Variants in TGFBI observed in about 807,000 individuals in gnomAD.
The protein encoded by TGFBI is transforming growth factor-beta-induced protein ig-h3.
TGFBI carries 50 observed loss-of-function variants against 73.7 expected under a neutral mutation model. That is an observed-to-expected ratio of 0.68 (90% CI 0.54 to 0.86). The LOEUF is 0.86. Among genes scored for constraint, TGFBI ranks in the 40% least tolerant of loss-of-function variants. The pLI, the probability that TGFBI is intolerant of heterozygous loss-of-function variation, is 0.00. For synonymous variants in TGFBI, 362 were observed against 360.5 expected, an observed-to-expected ratio of 1.00 and a Z score of -0.05; for missense variants, 839 against 877.0, an observed-to-expected ratio of 0.96 and a Z score of 0.55.
At chr5:136,047,137 T>G in intron 5 of TGFBI, 122 bp downstream of exon 5, 1 of 1,520,550 alleles carries the variant, frequency 6.6e-7, no homozygotes, top group South Asian at 1.2e-5. Flanking sequence ...TGCCTGCTTC[T>G]CCTTGGGCCC....
chr5:136,037,201 A>G (rs577166066), intron 2 of TGFBI, among the ~76,000 whole-genome samples: 24 of 152,336 alleles, frequency 1.6e-4, no homozygotes, highest in African/African-American at 5.1e-4. Context: ...AGTGGTTACC[A>G]GTGGGTCCCT....
intron 1 of TGFBI, among the ~76,000 whole-genome samples, chr5:136,031,181 A>G (rs889431102): frequency 6.6e-6 from 1 of 152,202 alleles, no homozygotes; most frequent in South Asian, 2.1e-4. Context: ...GCGCAGGCAC[A>G]TGAACCATGG....
In TGFBI at chr5:136,052,960, G is replaced by T; in HGVS notation, c.967G>T (p.Ala323Ser). Reference protein sequence around the residue: ...KSAMCAEAIVAGLSVETLEGT... With the variant: ...KSAMCAEAIVSGLSVETLEGT... ...AGCTATGTGTGCTGAAGCCATCGTT[G>T]CGGGGCTGTCTGTAGAGACCCTGGA... is the stretch of plus-strand genomic sequence containing the variant. Residue 323 changes from alanine (A) to serine (S), a missense_variant, in exon 8 of 17, where the codon GCG (alanine) becomes TCG (serine). Physicochemically the swap from Ala to Ser is moderately conservative, Grantham distance 99 (BLOSUM62 1). Transcript: ENST00000442011. The T allele has an allele frequency of 6.2e-7, 1 of 1,614,054 alleles. No homozygotes were observed. The highest frequency in any genetic ancestry group is 1.7e-5 in the Admixed American group (1 of 60,034).
chr5:136,061,076 G>C (rs1209432140), intron 14 of TGFBI, 140 bp downstream of exon 14: 1 of 663,104 alleles, frequency 1.5e-6, no homozygotes, highest in African/African-American at 1.8e-5. Context: ...GTGACTGATT[G>C]CAGAGTGAAT....
At position 136,053,017 on chromosome 5, in the gene TGFBI, G is replaced by A; in HGVS notation, c.1024G>A (p.Asp342Asn). 6.2e-7 allele frequency: 1 copy of A among 1,614,044 alleles called. No homozygotes were observed. The highest frequency in any genetic ancestry group is 8.5e-7 in the Non-Finnish European group (1 of 1,179,908). Residue 342 changes from aspartate (D) to asparagine (N), a missense_variant, in exon 8 of 17, where the codon GAC becomes AAC. Coordinates refer to ENST00000442011, the MANE Select transcript of TGFBI (RefSeq NM_000358.3). The part of the protein sequence containing the change: ...GTTLEVGCSG[D>N]MLTINGKAII... ...GACACTGGAGGTGGGCTGCAGCGGG[G>A]ACATGCTCACTATCAACGGGAAGGC...
intron 3 of TGFBI, 78 bp downstream of exon 3, chr5:136,044,200 G>A: frequency 2.3e-6 from 3 of 1,278,160 alleles, no homozygotes; most frequent in African/African-American, 1.5e-5. Flanking sequence ...CACATAAAAG[G>A]CAGCAGAGTG....
intron 3 of TGFBI, 90 bp from the exon 4 acceptor site, chr5:136,046,245 A>G: frequency 6.7e-7 from 1 of 1,499,318 alleles, no homozygotes; most frequent in Non-Finnish European, 9.2e-7. Flanking sequence ...CTCCACCTGT[A>G]GATGTACCGT....
rs541593603 is a variant in TGFBI at position 136,046,438 on chromosome 5, G to A, written c.402G>A (p.Gly134=). 1 of 1,613,606 alleles carries A rather than the reference G, an allele frequency of 6.2e-7. No individual in the cohort carries two copies. The highest frequency in any genetic ancestry group is 1.1e-5 in the South Asian group (1 of 91,036). Residue 134 remains glycine (G), a synonymous_variant, in exon 4 of 17, where the codon GGG becomes GGA. Coordinates refer to ENST00000442011, the MANE Select transcript of TGFBI (RefSeq NM_000358.3). ...AGAAGCTGAGGCCTGAGATGGAGGG[G>A]CCCGGCAGCTTCACCATCTTCGCCC... ...RTEKLRPEME[G]PGSFTIFAPS...
chr5:136,051,796 G>T (rs1027605215), intron 7 of TGFBI, among the ~76,000 whole-genome samples: 1 of 152,198 alleles, frequency 6.6e-6, no homozygotes, highest in East Asian at 1.9e-4. Context: ...TCTCTAAGAA[G>T]CTCAATCCCC....
chr5:136,062,779 G>C, intron 16 of TGFBI, 92 bp downstream of exon 16: 3 of 1,355,952 alleles, frequency 2.2e-6, no homozygotes. Context: ...ATATAGATAA[G>C]AACATCATGG....
chr5:136,046,753 C>A (rs911615603), intron 4 of TGFBI, 98 bp from the exon 5 acceptor site: 3 of 1,438,690 alleles, frequency 2.1e-6, no homozygotes, highest in African/African-American at 1.4e-5. Context: ...GAGGCCTGGG[C>A]TCACGAGGGC....
intron 7 of TGFBI, among the ~76,000 whole-genome samples, chr5:136,051,601 G>A (rs1580717548): frequency 6.6e-6 from 1 of 152,216 alleles, no homozygotes; most frequent in East Asian, 1.9e-4. Context: ...AGACTGGAAG[G>A]AAGAGGTCCT....
chr5:136,055,657 T>G (rs1372800073), intron 10 of TGFBI, 23 bp from the exon 11 acceptor site: 13 of 1,560,932 alleles, frequency 8.3e-6, no homozygotes, highest in Non-Finnish European at 1.1e-5. Context: ...AGTCCTTTCT[T>G]TCTCTGTCCC....
At chr5:136,041,835 A>G (rs1050602895) in intron 2 of TGFBI, among the ~76,000 whole-genome samples, 5 of 152,184 alleles carry the variant, frequency 3.3e-5, no homozygotes, top group African/African-American at 9.7e-5. Context: ...TTTGTCCTCA[A>G]TGAGATCCTG....
At chr5:136,061,047 A>G in intron 14 of TGFBI, 111 bp downstream of exon 14, 1 of 798,050 alleles carries the variant, frequency 1.3e-6, no homozygotes, top group Non-Finnish European at 1.9e-6. Flanking sequence ...TGTAATTGTG[A>G]TAGTTAAACT....
chr5:136,054,942 A>G, intron 10 of TGFBI, 81 bp downstream of exon 10: 1 of 1,523,902 alleles, frequency 6.6e-7, no homozygotes, highest in East Asian at 2.3e-5. Context: ...AATGTCCTCA[A>G]TAAGCAGGAG....
At chr5:136,037,205 G>T (rs1005320072) in intron 2 of TGFBI, among the ~76,000 whole-genome samples, 1 of 152,174 alleles carries the variant, frequency 6.6e-6, no homozygotes, top group African/African-American at 2.4e-5. Flanking sequence ...GTTACCAGTG[G>T]GTCCCTATTT....
chr5:136,034,549 C>T (rs1751182896), intron 2 of TGFBI, among the ~76,000 whole-genome samples: 1 of 151,730 alleles, frequency 6.6e-6, no homozygotes, highest in East Asian at 1.9e-4. Context: ...TTATTATTAT[C>T]ACCCTAGATT....
intron 9 of TGFBI, among the ~76,000 whole-genome samples, chr5:136,054,286 G>A (rs139332421): frequency 1.3e-5 from 2 of 152,294 alleles, no homozygotes; most frequent in South Asian, 4.1e-4. Flanking sequence ...TTGGGGAGCC[G>A]TTCCTCAGAA....
Sources: gnomAD v4.1 joint callset for allele counts (sites outside exome capture counted in the v4.1 genomes callset) on GRCh38, gnomAD v4.1.1 for gene constraint, MANE v1.5 for transcripts, NCBI Gene and HGNC (gene_info 2026-07-23, HGNC 2026-07-21) for gene names.